CFAP77: variants seen among roughly 807,000 people sequenced by gnomAD.
CFAP77 encodes the protein cilia and flagella associated protein 77.
Under a neutral mutation model 31.1 loss-of-function variants are expected in CFAP77, and 25 were observed. The ratio of observed to expected loss-of-function variants is 0.80; its 90% CI spans 0.59 to 1.12. The LOEUF (loss-of-function observed/expected upper bound fraction) is 1.12. Ranked by LOEUF, CFAP77 falls within the 50% of genes most tolerant of loss-of-function variation. CFAP77 has a pLI of 0.00. For synonymous variants in CFAP77, 151 were observed against 159.9 expected (o/e 0.94, Z 0.42); for missense variants, 377 against 397.3 (o/e 0.95, Z 0.44).
At chr9:132,461,911 C>T (rs200024994) in intron 1 of CFAP77, among the ~76,000 whole-genome samples, 1 of 152,184 alleles carries the variant, frequency 6.6e-6, no homozygotes, top group Non-Finnish European at 1.5e-5. Flanking sequence ...TTTTTAAACG[C>T]CCCAAGGGTC....
chr9:132,502,265 ATTT>A (rs571665067), intron 3 of CFAP77, among the ~76,000 whole-genome samples: 9,848 of 83,652 alleles, frequency 0.12, 399 homozygotes, highest in East Asian at 0.17. Context: ...ATATATATAT[ATTT>A]TTTTTTTTTG....
chr9:132,491,085 T>C (rs1851646958), intron 1 of CFAP77, among the ~76,000 whole-genome samples: 1 of 152,098 alleles, frequency 6.6e-6, no homozygotes, highest in Non-Finnish European at 1.5e-5. Context: ...TGCCCTGAGC[T>C]GCTGGGACAG....
chr9:132,469,427 G>A lies in CFAP77; in HGVS notation c.196-29268G>A, dbSNP rs1851214436. ...CGTGTGGATTATCACTTCATAATGC[G>A]AGTTAGCATTTAAATAAATAGCTGT... On this transcript the variant is annotated intron_variant, in intron 1 of 5. Transcript: ENST00000393216. Among the ~76,000 whole-genome samples, 2 of 152,074 alleles carry A rather than the reference G, an allele frequency of 1.3e-5. 1 individual carries two copies. Among genetic ancestry groups the A allele is most frequent in the East Asian group, 3.8e-4 (2 of 5,198 alleles).
intron 5 of CFAP77, among the ~76,000 whole-genome samples, chr9:132,563,112 TG>T (rs1208258224): frequency 6.6e-6 from 1 of 152,060 alleles, no homozygotes; most frequent in Admixed American, 6.6e-5. Context: ...CTCCACCTCC[TG>T]GGCTCAAGCA....
intron 5 of CFAP77, among the ~76,000 whole-genome samples, chr9:132,570,789 A>G (rs1829948747): frequency 6.6e-6 from 1 of 152,180 alleles, no homozygotes; most frequent in African/African-American, 2.4e-5. Flanking sequence ...AGGTGTAGGC[A>G]GCACCCTAGA....
chr9:132,508,352 A>C (rs1851972527), intron 3 of CFAP77, among the ~76,000 whole-genome samples: 2 of 152,222 alleles, frequency 1.3e-5, no homozygotes, highest in African/African-American at 4.8e-5. Flanking sequence ...TGCTCAGGCC[A>C]TACTTGTAGT....
intron 1 of CFAP77, among the ~76,000 whole-genome samples, chr9:132,451,783 G>C (rs1224336207): frequency 6.6e-6 from 1 of 151,224 alleles, no homozygotes; most frequent in Admixed American, 6.6e-5. Flanking sequence ...GAGTCAAGGA[G>C]ATTTTCTTTT....
intron 1 of CFAP77, among the ~76,000 whole-genome samples, chr9:132,429,864 C>T (rs1490781930): frequency 2.0e-5 from 3 of 151,898 alleles, no homozygotes; most frequent in African/African-American, 7.3e-5. Flanking sequence ...AAAAATAAAA[C>T]TCTGCTTTTC....
rs1214002927 is a variant in CFAP77 at position 132,480,149 on chromosome 9, G to A, written c.196-18546G>A. Among the ~76,000 whole-genome samples, 1 of 152,058 alleles carries A rather than the reference G, an allele frequency of 6.6e-6. No individual in the cohort carries two copies. Among genetic ancestry groups the A allele is most frequent in the East Asian group, 1.9e-4 (1 of 5,168 alleles). ...AGAGAAGAGGAGAGGGGGCCTCCTC[G>A]GCTGCTCTCCTGGACCGCCCTCCCC... On this transcript the variant is annotated intron_variant, in intron 1 of 5. Coordinates refer to ENST00000393216, the MANE Select transcript of CFAP77 (RefSeq NM_001282957.2). The surrounding 1 kb of genome is among the most constrained non-coding windows in gnomAD (Gnocchi z 5.8).
In CFAP77 at chr9:132,517,303, T is replaced by A. The variant is rs1852165774; in HGVS notation, c.524+17703T>A. The stretch of plus-strand genomic sequence containing the variant: ...CGGGAGCAGCAGACTGCTGGCATAT[T>A]AGAGATGGATTTTAATTTTATTTTA... On this transcript the variant is annotated intron_variant, in intron 3 of 5. Coordinates refer to ENST00000393216, the MANE Select transcript of CFAP77 (RefSeq NM_001282957.2). The surrounding 1 kb of genome is among the most constrained non-coding windows in gnomAD (Gnocchi z 4.7). 6.6e-6 allele frequency among the ~76,000 whole-genome samples: 1 copy of A among 152,178 alleles called. No homozygotes were observed. The highest frequency in any genetic ancestry group is 1.5e-5 in the Non-Finnish European group (1 of 68,036).
intron 4 of CFAP77, among the ~76,000 whole-genome samples, chr9:132,538,694 C>T (rs1484009319): frequency 1.3e-5 from 2 of 152,154 alleles, no homozygotes; most frequent in Non-Finnish European, 2.9e-5. Flanking sequence ...AGGAGAATAG[C>T]TTGAACCTGG....
chr9:132,530,643 TGA>T (rs1270906127), intron 3 of CFAP77, among the ~76,000 whole-genome samples: 1 of 152,236 alleles, frequency 6.6e-6, no homozygotes, highest in African/African-American at 2.4e-5. Context: ...TGTTGAGTTT[TGA>T]GAGTTTTTTA....
intron 1 of CFAP77, among the ~76,000 whole-genome samples, chr9:132,433,523 C>G (rs1850448350): frequency 6.6e-6 from 1 of 151,328 alleles, no homozygotes; most frequent in Non-Finnish European, 1.5e-5. Context: ...CCCCACACTT[C>G]TCCTCTCCTC....
chr9:132,432,204 C>T (rs533793829), intron 1 of CFAP77, among the ~76,000 whole-genome samples: 13 of 152,218 alleles, frequency 8.5e-5, no homozygotes, highest in African/African-American at 2.9e-4. Flanking sequence ...AAAAGGACAT[C>T]AGGAAGCAGG....
In CFAP77 at chr9:132,498,813, A is replaced by T; in HGVS notation, c.295+19A>T. On this transcript the variant is annotated intron_variant, in intron 2 of 5. Coordinates refer to ENST00000393216, the MANE Select transcript of CFAP77 (RefSeq NM_001282957.2). The surrounding 1 kb of genome is among the most constrained non-coding windows in gnomAD (Gnocchi z 4.2). ...CCTGAAGGTGAGCGAGCAGCTTTGG[A>T]GCATGAGGGCAGAGGAGTGGGAGGG... is the stretch of plus-strand genomic sequence containing the variant. The T allele has an allele frequency of 6.4e-7, 1 of 1,567,770 alleles. No individual in the cohort carries two copies. The highest frequency in any genetic ancestry group is 8.7e-7 in the Non-Finnish European group (1 of 1,144,722).
At chr9:132,544,564 C>G (rs1322763161) in intron 5 of CFAP77, among the ~76,000 whole-genome samples, 1 of 150,516 alleles carries the variant, frequency 6.6e-6, no homozygotes, top group East Asian at 2.0e-4. Flanking sequence ...GGTGCAATCA[C>G]CTTCACTGCA....
chr9:132,451,523 G>A (rs981909321), intron 1 of CFAP77, among the ~76,000 whole-genome samples: 3 of 152,086 alleles, frequency 2.0e-5, no homozygotes, highest in Admixed American at 1.3e-4. Context: ...AGGTGTGTCT[G>A]TGTGTACAGG....
At chr9:132,556,885 C>T (rs1202062770) in intron 5 of CFAP77, among the ~76,000 whole-genome samples, 1 of 152,156 alleles carries the variant, frequency 6.6e-6, no homozygotes, top group African/African-American at 2.4e-5. Context: ...TCTTCCGCCT[C>T]CTCCACCGCA....
At chr9:132,566,289 C>T (rs1409394814) in intron 5 of CFAP77, among the ~76,000 whole-genome samples, 1 of 152,178 alleles carries the variant, frequency 6.6e-6, no homozygotes, top group Non-Finnish European at 1.5e-5. Context: ...GGCTTGGGGC[C>T]TTGAGTCTTG....
Sources: allele counts gnomAD v4.1 joint callset (sites outside exome capture counted in the v4.1 genomes callset), GRCh38; gene constraint gnomAD v4.1.1; non-coding constraint Gnocchi (gnomAD v3.1); transcripts MANE v1.5; gene names NCBI Gene and HGNC (gene_info 2026-07-23, HGNC 2026-07-21).